Variants in ATG4B observed in about 807,000 individuals in gnomAD.
The protein encoded by ATG4B is cysteine protease ATG4B.
A neutral mutation model predicts 56.6 loss-of-function variants in ATG4B; 29 were observed. That is an observed-to-expected ratio of 0.51 (90% CI 0.38 to 0.70). ATG4B has a LOEUF of 0.70. Among genes scored for constraint, ATG4B ranks in the 30% least tolerant of loss-of-function variants. The pLI is 0.00. For synonymous variants in ATG4B, 224 were observed against 206.1 expected (o/e 1.09, Z -0.74); for missense variants, 461 against 515.5 (o/e 0.89, Z 1.02).
intron 12 of ATG4B, chr2:241,671,642 T>C: frequency 1.4e-6 from 2 of 1,453,094 alleles, no homozygotes; most frequent in East Asian, 2.7e-5. Context: ...GCCCGGGCGC[T>C]GTGGAGCTGG....
intron 6 of ATG4B, 108 bp downstream of exon 6, chr2:241,655,451 T>C (rs2068368909): frequency 8.0e-6 from 9 of 1,121,912 alleles, no homozygotes; most frequent in Non-Finnish European, 1.2e-5. Flanking sequence ...TCTCTAATTA[T>C]TTACTTCATG....
intron 6 of ATG4B, among the ~76,000 whole-genome samples, chr2:241,657,538 C>T (rs781074984): frequency 2.6e-5 from 4 of 151,814 alleles, no homozygotes; most frequent in Non-Finnish European, 4.4e-5. Context: ...CTCCTGACCT[C>T]GTGATCCACC....
chr2:241,649,563 C>A lies in ATG4B; in HGVS notation c.11-1447C>A, dbSNP rs188856695. 1.2e-4 allele frequency among the ~76,000 whole-genome samples: 19 copies of A among 152,288 alleles called. No homozygotes were observed. The East Asian group carries it at 3.7e-3, about 29-fold the overall frequency. ...AGATGGGAATTGTGTGTTCCCAGTTCCCTGAAGAGCAGCTGGAGAGAGATG... is the reference window on the plus strand; with the variant it reads ...AGATGGGAATTGTGTGTTCCCAGTTACCTGAAGAGCAGCTGGAGAGAGATG... On this transcript the variant is annotated intron_variant, in intron 1 of 12. Transcript: ENST00000404914.
At chr2:241,660,352 T>G (rs766891675) in intron 7 of ATG4B, among the ~76,000 whole-genome samples, 43 of 152,302 alleles carry the variant, frequency 2.8e-4, no homozygotes, top group Non-Finnish European at 2.8e-4. Context: ...TTCTGTTTCT[T>G]CATCGTCTGG....
In ATG4B at chr2:241,673,572, A is replaced by G. The variant is rs987331199; in HGVS notation, c.*1308A>G. 12 of 451,650 alleles carry G rather than the reference A, an allele frequency of 2.7e-5. 1 individual carries two copies. The highest frequency in any genetic ancestry group is 1.7e-4 in the South Asian group (11 of 63,956). 28.0% of individuals were successfully genotyped at this position (451,650 alleles called of 1,614,324 possible). On this transcript the variant is annotated 3_prime_UTR_variant, in exon 13 of 13. Coordinates refer to ENST00000404914, the MANE Select transcript of ATG4B (RefSeq NM_013325.5). ...AGCAGAGGACACCCCCAGCCCCCCA[A>G]GCATTGAAGACATAGTGTATTTCCT...
chr2:241,654,678 C>T (rs773683020), intron 5 of ATG4B, 31 bp downstream of exon 5: 10 of 1,545,904 alleles, frequency 6.5e-6, no homozygotes, highest in Non-Finnish European at 8.8e-6. Context: ...CCAGGCCCCA[C>T]CCGGGCTGTC....
At chr2:241,659,019 G>A (rs1411675035) in intron 6 of ATG4B, 89 bp from the exon 7 acceptor site, 9 of 1,010,746 alleles carry the variant, frequency 8.9e-6, no homozygotes, top group African/African-American at 1.6e-5. Context: ...CACCTCTAAC[G>A]CGAACCCTCC....
intron 12 of ATG4B, 104 bp downstream of exon 12, chr2:241,671,509 C>T: frequency 1.3e-6 from 2 of 1,552,668 alleles, no homozygotes; most frequent in Non-Finnish European, 8.7e-7. Context: ...TGTGTGTGAG[C>T]CTGAGCCGTG....
Position 241,651,264 on chromosome 2 carries a change from A to T in ATG4B, c.113A>T (p.Glu38Val). 6.3e-7 allele frequency: 1 copy of T among 1,596,676 alleles called. No individual in the cohort carries two copies. The highest frequency in any genetic ancestry group is 1.1e-5 in the South Asian group (1 of 87,798). ...ILGRKYSIFT[E>V]KDEILSDVAS... is the part of the protein sequence containing the mutation. ...TTTTTTTCTTTTAAACAACCTCTAG[A>T]AAAGGACGAGATCTTGTCTGATGTG... is the stretch of plus-strand genomic sequence containing the variant. Residue 38 changes from glutamate to valine, a missense_variant and splice_region_variant, in exon 3 of 13, where the codon GAA becomes GTA. Glu to Val is a moderately radical substitution (Grantham distance 121). Transcript: ENST00000404914. The surrounding 1 kb of genome is among the most constrained non-coding windows in gnomAD (Gnocchi z 4.1).
At chr2:241,671,836 C>A (rs945651446) in intron 12 of ATG4B, 6 of 1,274,654 alleles carry the variant, frequency 4.7e-6, no homozygotes, top group Non-Finnish European at 6.0e-6. Context: ...AGTGAGTGGC[C>A]GTGAGCGCGT....
chr2:241,669,943 C>T (rs1443365033), intron 10 of ATG4B, among the ~76,000 whole-genome samples: 1 of 152,208 alleles, frequency 6.6e-6, no homozygotes, highest in Non-Finnish European at 1.5e-5. Context: ...GAGAGCCAGC[C>T]ACCGCAGACA....
intron 6 of ATG4B, 34 bp from the exon 7 acceptor site, chr2:241,659,074 C>G: frequency 5.2e-6 from 8 of 1,528,284 alleles, no homozygotes; most frequent in Non-Finnish European, 6.2e-6. Context: ...TTGAATTGTA[C>G]AAAAGCTTAT....
intron 7 of ATG4B, among the ~76,000 whole-genome samples, chr2:241,664,052 T>C (rs2068680582): frequency 6.6e-6 from 1 of 152,100 alleles, no homozygotes; most frequent in South Asian, 2.1e-4. Flanking sequence ...TCTCCTGACC[T>C]CATGATCTGC....
At chr2:241,650,586 TAAC>T (rs1176114274) in intron 1 of ATG4B, among the ~76,000 whole-genome samples, 2 of 152,116 alleles carry the variant, frequency 1.3e-5, no homozygotes, top group African/African-American at 4.8e-5. Flanking sequence ...GGAGGTGGTT[TAAC>T]TTTATTTTTG....
chr2:241,640,485 C>T (rs1559245033), intron 1 of ATG4B, among the ~76,000 whole-genome samples: 1 of 152,224 alleles, frequency 6.6e-6, no homozygotes, highest in African/African-American at 2.4e-5. Flanking sequence ...ATTCAATACA[C>T]TGTTTGTTAC....
chr2:241,664,381 C>CAA (rs909991532), intron 7 of ATG4B, among the ~76,000 whole-genome samples: 4 of 151,980 alleles, frequency 2.6e-5, no homozygotes, highest in Non-Finnish European at 4.4e-5. Context: ...AAAAACAAAA[C>CAA]AAAAAAACTA....
At position 241,651,072 on chromosome 2, in the gene ATG4B, C is replaced by G; in HGVS notation, c.73C>G (p.Pro25Ala). The change falls in exon 2 of 13, where the codon CCC becomes GCC. Residue 25 changes from proline (P) to alanine (A), a missense_variant. Pro to Ala is a conservative substitution (Grantham distance 27). Transcript: ENST00000404914. This position sits in a 1 kb window ranked among gnomAD's most constrained non-coding sequence, Gnocchi z 4.1. ...TGAAGATTTTCCTGAGACCTCAGAGCCCGTTTGGATACTGGGTAGAAAATA... is the reference window on the plus strand; with the variant it reads ...TGAAGATTTTCCTGAGACCTCAGAGGCCGTTTGGATACTGGGTAGAAAATA... ...EFEDFPETSE[P>A]VWILGRKYSI... The G allele has an allele frequency of 6.2e-7, 1 of 1,613,894 alleles. No individual in the cohort carries two copies. The highest frequency in any genetic ancestry group is 8.5e-7 in the Non-Finnish European group (1 of 1,179,844).
At position 241,653,621 on chromosome 2, in the gene ATG4B, G is replaced by T. The variant is rs1283338863; in HGVS notation, c.283+11G>T. On this transcript the variant is annotated intron_variant, in intron 4 of 12. Transcript: ENST00000404914. ...GGCACCTAGGCCGAGGTGAGTCACA[G>T]CCCTGGGGAGGGCGCATGGCCACGG... 6.4e-7 allele frequency: 1 copy of T among 1,558,460 alleles called. No homozygotes were observed. The highest frequency in any genetic ancestry group is 2.4e-5 in the East Asian group (1 of 41,544).
At chr2:241,671,107 C>A (rs942615220) in intron 11 of ATG4B, among the ~76,000 whole-genome samples, 2 of 152,218 alleles carry the variant, frequency 1.3e-5, no homozygotes, top group Non-Finnish European at 2.9e-5. Flanking sequence ...GGCCCACCCC[C>A]CTCTGCCGTG....
Sources: allele counts gnomAD v4.1 joint callset (sites outside exome capture counted in the v4.1 genomes callset), GRCh38; gene constraint gnomAD v4.1.1; non-coding constraint Gnocchi (gnomAD v3.1); transcripts MANE v1.5; gene names NCBI Gene and HGNC (gene_info 2026-07-23, HGNC 2026-07-21).